Variants in ZNF324B observed in about 807,000 individuals in gnomAD.
ZNF324B encodes the protein zinc finger protein 324B.
In ZNF324B, 7 loss-of-function variants were observed where a neutral mutation model predicts 10.6. That is an observed-to-expected ratio of 0.66 (90% CI 0.38 to 1.24). The LOEUF is 1.24. ZNF324B is among the 50% of genes most tolerant of loss of function. The pLI is 0.02. For synonymous variants in ZNF324B, 316 were observed against 321.0 expected, an observed-to-expected ratio of 0.98 and a Z score of 0.17; for missense variants, 640 against 764.7, an observed-to-expected ratio of 0.84 and a Z score of 1.92.
At chr19:58,439,181 A>T in the ZNF324B span, among the ~76,000 whole-genome samples, 1 of 152,094 alleles carries the variant, frequency 6.6e-6, no homozygotes, top group East Asian at 1.9e-4. Flanking sequence ...CTCCACGGGC[A>T]CCCCTCTGTC....
intron 1 of ZNF324B, chr19:58,453,406 T>G: frequency 4.5e-5 from 22 of 490,910 alleles, no homozygotes; most frequent in East Asian, 1.1e-4. Context: ...CACGAGTGGA[T>G]ATTTGGGGCT....
the ZNF324B span, chr19:58,433,372 A>T: frequency 2.5e-6 from 4 of 1,614,238 alleles, no homozygotes; most frequent in Non-Finnish European, 3.4e-6. Context: ...ATGGCTGAAG[A>T]GTTTCCCACA....
In ZNF324B at chr19:58,455,814, C is replaced by G; in HGVS notation, c.870C>G (p.Cys290Trp). ...AGCGGCCCTACGAGTGCACCCAGTG[C>G]GGCAAGGCCTTCAGCCAGACGTCGC... ...TGERPYECTQ[C>W]GKAFSQTSHL... is the part of the protein sequence containing the mutation. Residue 290 changes from cysteine to tryptophan, a missense_variant, in exon 4 of 4, where the codon TGC (cysteine) becomes TGG (tryptophan). Physicochemically the swap from Cys to Trp is radical, Grantham distance 215. Coordinates refer to ENST00000336614, the MANE Select transcript of ZNF324B (RefSeq NM_207395.3). The surrounding 1 kb of genome is among the most constrained non-coding windows in gnomAD (Gnocchi z 7.0). The G allele has an allele frequency of 6.2e-7, 1 of 1,614,110 alleles. No homozygotes were observed. The highest frequency in any genetic ancestry group is 8.5e-7 in the Non-Finnish European group (1 of 1,180,008).
the ZNF324B span, among the ~76,000 whole-genome samples, chr19:58,423,685 G>A: frequency 1.3e-5 from 2 of 152,168 alleles, no homozygotes; most frequent in Non-Finnish European, 2.9e-5. Flanking sequence ...CAAGGCTATA[G>A]TGACCAAAAG....
intron 3 of ZNF324B, chr19:58,454,616 A>G: frequency 1.8e-6 from 1 of 562,012 alleles, no homozygotes; most frequent in Non-Finnish European, 3.2e-6. Flanking sequence ...CATTATTGAT[A>G]GGTATTTATT....
At chr19:58,422,059 A>G in the ZNF324B span, among the ~76,000 whole-genome samples, 3 of 152,172 alleles carry the variant, frequency 2.0e-5, no homozygotes, top group South Asian at 6.2e-4. Context: ...CTGGGACTAC[A>G]GGTGTGTGCC....
At chr19:58,445,455 C>A in the ZNF324B span, 1 of 519,002 alleles carries the variant, frequency 1.9e-6, no homozygotes, top group South Asian at 1.4e-5. Flanking sequence ...AGAAACTTCA[C>A]CCTGGAGAAA....
the ZNF324B span, chr19:58,433,297 C>T: frequency 1.3e-6 from 2 of 1,581,374 alleles, no homozygotes; most frequent in African/African-American, 2.7e-5. Context: ...GATTTTCTCA[C>T]AAAGACCACT....
At chr19:58,453,674 C>T in intron 1 of ZNF324B, 22 bp from the exon 2 acceptor site, 1 of 1,614,154 alleles carries the variant, frequency 6.2e-7, no homozygotes, top group Non-Finnish European at 8.5e-7. Context: ...CCATGCCTAC[C>T]TCCACCTCCC....
the ZNF324B span, among the ~76,000 whole-genome samples, chr19:58,432,536 G>C: frequency 6.6e-6 from 1 of 152,120 alleles, no homozygotes; most frequent in Non-Finnish European, 1.5e-5. Flanking sequence ...CTTTGCCTTG[G>C]TGACCCTGTG....
upstream of ZNF324B, among the ~76,000 whole-genome samples, chr19:58,448,476 G>A (rs889425812): frequency 1.3e-5 from 2 of 152,232 alleles, no homozygotes; most frequent in Non-Finnish European, 1.5e-5. Flanking sequence ...TGTAATCCCA[G>A]CACTTTGGGA....
intron 1 of ZNF324B, chr19:58,452,746 C>T (rs1048946474): frequency 1.5e-5 from 11 of 718,924 alleles, no homozygotes; most frequent in African/African-American, 3.9e-5. Flanking sequence ...CTGAAGAAGG[C>T]GATGAGCAGT....
chr19:58,435,351 TGAA>T, the ZNF324B span: 4 of 934,854 alleles, frequency 4.3e-6, no homozygotes, highest in Admixed American at 1.1e-4. Flanking sequence ...ATCATCAGGG[TGAA>T]GAAGGGCCCA....
intron 1 of ZNF324B, chr19:58,452,003 G>A (rs1057162162): frequency 1.2e-5 from 3 of 241,262 alleles, no homozygotes; most frequent in Non-Finnish European, 2.5e-5. Context: ...GGGGGGGCGG[G>A]GGAGTCCCTG....
the ZNF324B span, chr19:58,434,619 C>G: frequency 4.3e-6 from 7 of 1,614,054 alleles, no homozygotes; most frequent in East Asian, 8.9e-5. Context: ...GGATTGATTT[C>G]TCCTCTAAGA....
the ZNF324B span, chr19:58,445,574 G>C: frequency 2.1e-6 from 1 of 484,466 alleles, no homozygotes; most frequent in Admixed American, 2.2e-5. Context: ...CCAGCACTTT[G>C]GGAGGCTAAG....
chr19:58,450,454 G>C, upstream of ZNF324B, among the ~76,000 whole-genome samples: 1 of 121,638 alleles, frequency 8.2e-6, no homozygotes, highest in African/African-American at 3.3e-5. Context: ...AAGAGAGTGA[G>C]ACCCTGTCTC....
the ZNF324B span, chr19:58,445,585 G>A: frequency 2.1e-6 from 1 of 468,408 alleles, no homozygotes; most frequent in Non-Finnish European, 4.2e-6. Context: ...GGAGGCTAAG[G>A]CAGGGGGATC....
the ZNF324B span, among the ~76,000 whole-genome samples, chr19:58,436,675 A>G: frequency 9.7e-6 from 1 of 103,264 alleles, no homozygotes; most frequent in Non-Finnish European, 2.4e-5. Context: ...CTCAAAAAAA[A>G]AAAAAAAAAA....
Sources: allele counts gnomAD v4.1 joint callset (sites outside exome capture counted in the v4.1 genomes callset), GRCh38; gene constraint gnomAD v4.1.1; non-coding constraint Gnocchi (gnomAD v3.1); transcripts MANE v1.5; gene names NCBI Gene and HGNC (gene_info 2026-07-23, HGNC 2026-07-21).